Variants in SPOCK1 observed in about 807,000 individuals in gnomAD.
SPOCK1 encodes SPARC (osteonectin), cwcv and kazal like domains proteoglycan 1.
In SPOCK1, 23 loss-of-function variants were observed where a neutral mutation model predicts 55.3. That is an observed-to-expected ratio of 0.42 (90% CI 0.30 to 0.59). SPOCK1 has a LOEUF of 0.59. SPOCK1 is among the 20% of genes least tolerant of loss of function. SPOCK1 has a pLI of 0.22. For synonymous variants in SPOCK1, 226 were observed against 221.0 expected, an observed-to-expected ratio of 1.02 and a Z score of -0.20; for missense variants, 499 against 552.5, an observed-to-expected ratio of 0.90 and a Z score of 0.97.
chr5:137,434,856 A>G (rs971770045), intron 2 of SPOCK1, among the ~76,000 whole-genome samples: 2 of 152,142 alleles, frequency 1.3e-5, no homozygotes, highest in African/African-American at 4.8e-5. Flanking sequence ...AATTTGTATA[A>G]TTCCTGAAAT....
chr5:136,986,713 G>A (rs547786461), intron 8 of SPOCK1, among the ~76,000 whole-genome samples: 1 of 151,898 alleles, frequency 6.6e-6, no homozygotes. Context: ...ACCTATTTCA[G>A]TTACAATGGT....
At chr5:137,367,980 C>T (rs991282020) in intron 2 of SPOCK1, among the ~76,000 whole-genome samples, 1 of 152,216 alleles carries the variant, frequency 6.6e-6, no homozygotes, top group African/African-American at 2.4e-5. Context: ...CACCAGGCTT[C>T]CTCACCCCAC....
At chr5:137,015,573 T>C (rs970682952) in intron 6 of SPOCK1, among the ~76,000 whole-genome samples, 3 of 152,174 alleles carry the variant, frequency 2.0e-5, no homozygotes, top group African/African-American at 7.2e-5. Context: ...TGAAGGAATC[T>C]GGGAAGCACA....
chr5:137,111,493 TGTCTAGCAATGTTA>T (rs1261942765), intron 5 of SPOCK1, among the ~76,000 whole-genome samples: 2 of 152,194 alleles, frequency 1.3e-5, no homozygotes, highest in African/African-American at 4.8e-5. Context: ...GGCTCCTTTG[TGTCTAGCAATGTTA>T]GTCTAGCAAT....
chr5:137,278,683 C>T (rs1757113994), intron 2 of SPOCK1, among the ~76,000 whole-genome samples: 1 of 152,166 alleles, frequency 6.6e-6, no homozygotes, highest in Admixed American at 6.5e-5. Context: ...AACACAATTT[C>T]TCCTCCCCAG....
At chr5:137,414,278 G>C (rs1302274707) in intron 2 of SPOCK1, among the ~76,000 whole-genome samples, 6 of 152,206 alleles carry the variant, frequency 3.9e-5, no homozygotes, top group Non-Finnish European at 2.9e-5. Context: ...GAGCAGGCCA[G>C]TATTTCTGAG....
At chr5:136,983,440 T>TC (rs1396963554) in intron 9 of SPOCK1, among the ~76,000 whole-genome samples, 3 of 152,224 alleles carry the variant, frequency 2.0e-5, no homozygotes, top group Non-Finnish European at 4.4e-5. Flanking sequence ...AGCTTAGTGG[T>TC]ATCCACCCTC....
intron 3 of SPOCK1, among the ~76,000 whole-genome samples, chr5:137,150,681 A>C (rs1367706763): frequency 6.6e-6 from 1 of 152,098 alleles, no homozygotes; most frequent in African/African-American, 2.4e-5. Flanking sequence ...GGGCTCAGCA[A>C]GGCAGGTGTG....
chr5:137,140,665 T>A lies in SPOCK1; in HGVS notation c.262A>T (p.Lys88Ter). The A allele has an allele frequency of 6.2e-7, 1 of 1,613,536 alleles. No individual in the cohort carries two copies. ...ACTTTGTGAGGGCTGCATTTTACCT[T>A]CAGGCAGGGGTCCTTGGATGGGTCC... ...ALDPSKDPCL[K>*]VKCSPHKVCV... The change falls in exon 4 of 11, where the codon AAG becomes TAG. Residue 88 changes from lysine (K) to a stop codon, truncating the protein, a stop_gained. Coordinates refer to ENST00000394945, the MANE Select transcript of SPOCK1 (RefSeq NM_004598.4). LOFTEE classifies it high-confidence loss of function.
intron 2 of SPOCK1, among the ~76,000 whole-genome samples, chr5:137,304,041 G>A (rs1757654434): frequency 6.9e-6 from 1 of 145,650 alleles, no homozygotes; most frequent in African/African-American, 2.6e-5. Context: ...ACTTTTAGAT[G>A]ACTTTTTCCC....
intron 2 of SPOCK1, among the ~76,000 whole-genome samples, chr5:137,417,197 T>G (rs889446341): frequency 6.6e-6 from 1 of 152,040 alleles, no homozygotes; most frequent in African/African-American, 2.4e-5. Context: ...GAAGTTCAGT[T>G]TTTTTTCTCA....
At chr5:137,379,853 T>G (rs1014399494) in intron 2 of SPOCK1, among the ~76,000 whole-genome samples, 4 of 152,118 alleles carry the variant, frequency 2.6e-5, no homozygotes, top group African/African-American at 9.7e-5. Context: ...CCAAATAAAC[T>G]CATCTCTCAA....
intron 4 of SPOCK1, among the ~76,000 whole-genome samples, chr5:137,124,234 T>C (rs1753737988): frequency 6.6e-6 from 1 of 152,218 alleles, no homozygotes; most frequent in African/African-American, 2.4e-5. Context: ...TGCAGGTGTA[T>C]CCTGGGCTCC....
chr5:137,018,009 C>T (rs1379229612), intron 6 of SPOCK1, among the ~76,000 whole-genome samples: 1 of 152,238 alleles, frequency 6.6e-6, no homozygotes, highest in East Asian at 1.9e-4. Flanking sequence ...ATTAATTGCC[C>T]TGTGTCAGCT....
At chr5:137,426,945 G>T (rs1752624904) in intron 2 of SPOCK1, among the ~76,000 whole-genome samples, 1 of 152,170 alleles carries the variant, frequency 6.6e-6, no homozygotes, top group African/African-American at 2.4e-5. Context: ...TCTCCTTCCA[G>T]AGTAGATGCA....
intron 2 of SPOCK1, among the ~76,000 whole-genome samples, chr5:137,447,040 T>C (rs1561538103): frequency 6.6e-6 from 1 of 152,220 alleles, no homozygotes; most frequent in South Asian, 2.1e-4. Flanking sequence ...ACATTTTCTT[T>C]ACCCATTAAT....
chr5:137,231,275 C>T (rs1756057201), intron 3 of SPOCK1, among the ~76,000 whole-genome samples: 2 of 152,184 alleles, frequency 1.3e-5, no homozygotes, highest in South Asian at 4.1e-4. Flanking sequence ...GAACTCCTGT[C>T]CTCAGGTGAT....
intron 3 of SPOCK1, among the ~76,000 whole-genome samples, chr5:137,247,935 T>C (rs1199637493): frequency 1.3e-5 from 2 of 151,944 alleles, no homozygotes; most frequent in African/African-American, 4.8e-5. Context: ...CCCAAACACC[T>C]CTCATTAGGC....
In SPOCK1 at chr5:137,420,385, T is replaced by C. The variant is rs1307738964; in HGVS notation, c.186+77988A>G. On this transcript the variant is annotated intron_variant, in intron 2 of 10. Transcript: ENST00000394945. Reference sequence around the variant, plus strand: ...CAGAAGGAATGGTACCAGCTCCTCCTTGTACCTCTGGTAGAATTCAGCTGT... The same window carrying C: ...CAGAAGGAATGGTACCAGCTCCTCCCTGTACCTCTGGTAGAATTCAGCTGT... Among the ~76,000 whole-genome samples, 3 of 152,370 alleles carry C rather than the reference T, an allele frequency of 2.0e-5. No homozygotes were observed. In the South Asian group the frequency reaches 6.2e-4, roughly 32 times the overall value.
Sources: gnomAD v4.1 joint callset for allele counts (sites outside exome capture counted in the v4.1 genomes callset) on GRCh38, gnomAD v4.1.1 for gene constraint, MANE v1.5 for transcripts, NCBI Gene and HGNC (gene_info 2026-07-23, HGNC 2026-07-21) for gene names.